CTSO: variants seen among roughly 807,000 people sequenced by gnomAD.
The protein encoded by CTSO is cathepsin O.
In CTSO, 40 loss-of-function variants were observed where a neutral mutation model predicts 42.4. The observed-to-expected ratio is 0.94, with a 90% CI of 0.73 to 1.23. The LOEUF (loss-of-function observed/expected upper bound fraction) is 1.23, where lower values mean the gene tolerates loss of function less well. Ranked by LOEUF, CTSO falls within the 50% of genes most tolerant of loss-of-function variation. The pLI is 0.00. For synonymous variants in CTSO, 156 were observed against 146.2 expected (o/e 1.07, Z -0.48); for missense variants, 441 against 396.0 (o/e 1.11, Z -0.96).
At chr4:155,935,113 T>C (rs1200294010) in intron 5 of CTSO, among the ~76,000 whole-genome samples, 1 of 152,196 alleles carries the variant, frequency 6.6e-6, no homozygotes, top group East Asian at 1.9e-4. Context: ...GCTATTCTTG[T>C]GATAGTGAAT....
At chr4:155,949,994 A>T (rs192905887) in intron 1 of CTSO, among the ~76,000 whole-genome samples, 1 of 71,152 alleles carries the variant, frequency 1.4e-5, no homozygotes, top group East Asian at 1.0e-3. Flanking sequence ...GATTAGAACA[A>T]TAAAAGCTTT....
chr4:155,953,548 G>A (rs1036594896), intron 1 of CTSO, among the ~76,000 whole-genome samples, 165 bp downstream of exon 1: 7 of 152,196 alleles, frequency 4.6e-5, no homozygotes, highest in Non-Finnish European at 8.8e-5. Flanking sequence ...GGAGAGGGGA[G>A]AGAGAAGCTG....
intron 1 of CTSO, 120 bp from the exon 2 acceptor site, chr4:155,943,384 A>G (rs1743475421): frequency 1.8e-6 from 1 of 564,354 alleles, no homozygotes; most frequent in South Asian, 3.0e-5. Flanking sequence ...CCTTCAGACT[A>G]CAATGTAAAG....
chr4:155,934,731 C>A (rs1743300740), intron 5 of CTSO, among the ~76,000 whole-genome samples: 2 of 152,142 alleles, frequency 1.3e-5, no homozygotes, highest in African/African-American at 2.4e-5. Flanking sequence ...TTTGTTTTGG[C>A]CAATTTCTCC....
rs1362882298 is a variant in CTSO at position 155,925,506 on chromosome 4, A to G, written c.*530T>C. ...AAGCACCATTTGTTCAGGTAAAGCA[A>G]TTGGTGTTTGAAATCCTTCCGATAG... On this transcript the variant is annotated 3_prime_UTR_variant, in exon 8 of 8. Transcript: ENST00000433477. 1 of 152,472 alleles carries G rather than the reference A, an allele frequency of 6.6e-6. No individual in the cohort carries two copies. Among genetic ancestry groups the G allele is most frequent in the Non-Finnish European group, 1.5e-5 (1 of 68,314 alleles). 9.4% of individuals were successfully genotyped at this position (152,472 alleles called of 1,614,324 possible).
intron 1 of CTSO, among the ~76,000 whole-genome samples, chr4:155,948,098 T>C (rs1484175487): frequency 1.3e-5 from 2 of 152,032 alleles, no homozygotes; most frequent in East Asian, 3.9e-4. Context: ...ATGTGTTTAA[T>C]TGAATGAGTT....
chr4:155,925,952 G>T lies in CTSO; in HGVS notation c.*84C>A. ...TTGTAGGTAGTTGCTGAAACTTGAA[G>T]TTGAATAATACTTTGAAGTACTATG... On this transcript the variant is annotated 3_prime_UTR_variant, in exon 8 of 8. Transcript: ENST00000433477. 8.4e-7 allele frequency: 1 copy of T among 1,194,416 alleles called. No homozygotes were observed. The highest frequency in any genetic ancestry group is 1.2e-6 in the Non-Finnish European group (1 of 826,402). The allele number at this position is 1,194,416 out of a possible 1,614,324, so 74.0% of individuals were successfully genotyped here. A position where few individuals can be genotyped will look rare whatever the true frequency, so the allele number is the denominator to read the frequency against.
At chr4:155,944,762 CA>C (rs987923873) in intron 1 of CTSO, among the ~76,000 whole-genome samples, 72 of 152,220 alleles carry the variant, frequency 4.7e-4, no homozygotes, top group African/African-American at 1.7e-3. Flanking sequence ...ACTCCCCTGA[CA>C]GCTGGTTTTT....
At chr4:155,937,303 G>C in intron 5 of CTSO, 59 bp downstream of exon 5, 1 of 1,404,582 alleles carries the variant, frequency 7.1e-7, no homozygotes, top group South Asian at 1.2e-5. Context: ...TTATTAACCA[G>C]TCAATAGATC....
chr4:155,947,415 C>A (rs1743569023), intron 1 of CTSO, among the ~76,000 whole-genome samples: 3 of 152,128 alleles, frequency 2.0e-5, no homozygotes. Flanking sequence ...AAATGGCGCT[C>A]AAAGACCATA....
At chr4:155,926,626 T>G (rs191986468) in intron 7 of CTSO, among the ~76,000 whole-genome samples, 2 of 152,330 alleles carry the variant, frequency 1.3e-5, no homozygotes, top group East Asian at 3.9e-4. Flanking sequence ...CTATCTGCCT[T>G]ATGCCATTGC....
rs886582104 is a variant in CTSO, at chr4:155,925,820, G to C, written c.*216C>G. The stretch of plus-strand genomic sequence containing the variant: ...AGGAAACTATTCCATAGGCTTCCTC[G>C]CAGGCTTCTGTGCTGGAGTTTGTCC... On this transcript the variant is annotated 3_prime_UTR_variant, in exon 8 of 8. Coordinates refer to ENST00000433477, the MANE Select transcript of CTSO (RefSeq NM_001334.3). 1 of 504,564 alleles carries C rather than the reference G, an allele frequency of 2.0e-6. No individual in the cohort carries two copies. Among genetic ancestry groups the C allele is most frequent in the Non-Finnish European group, 3.4e-6 (1 of 290,896 alleles). The allele number at this position is 504,564 out of a possible 1,614,324, so 31.3% of individuals were successfully genotyped here.
chr4:155,944,465 A>G (rs553098357), intron 1 of CTSO, among the ~76,000 whole-genome samples: 1 of 152,324 alleles, frequency 6.6e-6, no homozygotes. Flanking sequence ...TAAGCCAGAG[A>G]CTATTAACTG....
In CTSO at chr4:155,939,392, A is replaced by T; in HGVS notation, c.531T>A (p.Asn177Lys). 6.2e-7 allele frequency: 1 copy of T among 1,613,708 alleles called. No individual in the cohort carries two copies. The highest frequency in any genetic ancestry group is 1.7e-4 in the Middle Eastern group (1 of 6,060). ...TCACCTTGTTTAACCAGTTCAAAGCATTGAGAGTAGAGCCTCCATTGCAGC... is the reference window on the plus strand; with the variant it reads ...TCACCTTGTTTAACCAGTTCAAAGCTTTGAGAGTAGAGCCTCCATTGCAGC... ...NYGCNGGSTL[N>K]ALNWLNKMQV... The change falls in exon 4 of 8, where the codon AAT becomes AAA. Residue 177 changes from asparagine (N) to lysine (K), a missense_variant. Asn to Lys is a moderately conservative substitution (Grantham distance 94). Transcript: ENST00000433477.
rs372445297 is a variant in CTSO at position 155,932,530 on chromosome 4, G to T, written c.675-2825C>A. ...GCACACTCACCCAACTTGCAACAAT[G>T]AGATCCTGCAGTTCTTTCCCTGAGC... On this transcript the variant is annotated intron_variant, in intron 5 of 7. Coordinates refer to ENST00000433477, the MANE Select transcript of CTSO (RefSeq NM_001334.3). 2.0e-5 allele frequency among the ~76,000 whole-genome samples: 3 copies of T among 152,106 alleles called. No homozygotes were observed. In the South Asian group the frequency reaches 6.2e-4, roughly 32 times the overall value.
At chr4:155,932,971 A>G (rs6854401) in intron 5 of CTSO, among the ~76,000 whole-genome samples, 82,012 of 151,944 alleles carry the variant, frequency 0.54, 22,661 homozygotes, top group East Asian at 0.77. Context: ...CTCCTCTCCA[A>G]TAAAAAACTG....
chr4:155,937,621 T>A, intron 4 of CTSO, 138 bp from the exon 5 acceptor site: 1 of 837,158 alleles, frequency 1.2e-6, no homozygotes, highest in South Asian at 1.7e-5. Context: ...TTTTTTTTTC[T>A]TTTTCTTTTT....
At chr4:155,933,351 CT>C (rs1420293447) in intron 5 of CTSO, among the ~76,000 whole-genome samples, 2 of 152,256 alleles carry the variant, frequency 1.3e-5, no homozygotes, top group South Asian at 2.1e-4. Flanking sequence ...TGAGGCCTCC[CT>C]AGCCATGTGG....
intron 3 of CTSO, among the ~76,000 whole-genome samples, chr4:155,939,953 C>T (rs10000523): frequency 0.043 from 6,567 of 152,148 alleles, 397 homozygotes; most frequent in African/African-American, 0.13. Flanking sequence ...TTTAAGGACA[C>T]TCTGCTTCCA....
Sources: allele counts gnomAD v4.1 joint callset (sites outside exome capture counted in the v4.1 genomes callset), GRCh38; gene constraint gnomAD v4.1.1; transcripts MANE v1.5; gene names NCBI Gene and HGNC (gene_info 2026-07-23, HGNC 2026-07-21).